The following CA10 variants were observed in gnomAD, a reference collection of about 807,000 sequenced individuals.
CA10 encodes carbonic anhydrase 10 (inactive), also known as carbonic anhydrase-related protein 10.
In CA10, 14 loss-of-function variants were observed where a neutral mutation model predicts 44.2. The ratio of observed to expected loss-of-function variants is 0.32; its 90% confidence interval spans 0.21 to 0.50. The LOEUF (loss-of-function observed/expected upper bound fraction) is 0.50. CA10 is among the 20% of genes least tolerant of loss of function. CA10 has a pLI of 0.99. For synonymous variants in CA10, 159 were observed against 141.6 expected (o/e 1.12, Z -0.87); for missense variants, 350 against 409.7 (o/e 0.85, Z 1.26).
At chr17:51,886,100 C>G (rs73346551) in intron 3 of CA10, among the ~76,000 whole-genome samples, 2,980 of 152,240 alleles carry the variant, frequency 0.02, 78 homozygotes, top group African/African-American at 0.068. Flanking sequence ...CTTAAGCTGT[C>G]TAATAGCTAA....
Position 51,965,433 on chromosome 17 carries a change from G to A in CA10, c.137-34301C>T, listed in dbSNP as rs567464434. On this transcript the variant is annotated intron_variant, in intron 2 of 8. Coordinates refer to ENST00000451037, the MANE Select transcript of CA10 (RefSeq NM_020178.5). ...TGGTAAAGACAATTAAAAAAAACCT[G>A]CAGGCCATAGACACAAAAATCCTTA... Among the ~76,000 whole-genome samples the A allele has an allele frequency of 1.1e-4, 16 of 151,540 alleles. No individual in the cohort carries two copies. In the South Asian group the frequency reaches 3.1e-3, roughly 30 times the overall value.
intron 4 of CA10, among the ~76,000 whole-genome samples, chr17:51,728,466 T>C (rs1389234212): frequency 1.3e-5 from 2 of 152,210 alleles, no homozygotes; most frequent in Non-Finnish European, 2.9e-5. Context: ...CTGTGATAGA[T>C]CCTCAGTCTT....
At chr17:51,661,027 G>T (rs115602256) in intron 4 of CA10, among the ~76,000 whole-genome samples, 27 of 152,206 alleles carry the variant, frequency 1.8e-4, no homozygotes, top group African/African-American at 5.8e-4. Context: ...CACCTGTTGA[G>T]GGAGATCCCC....
In CA10 at chr17:52,064,018, A is replaced by G. The variant is rs372654752; in HGVS notation, c.136+8301T>C. Among the ~76,000 whole-genome samples, 6 of 152,364 alleles carry G rather than the reference A, an allele frequency of 3.9e-5. No individual in the cohort carries two copies. In the East Asian group the frequency reaches 1.2e-3, roughly 29 times the overall value. On this transcript the variant is annotated intron_variant, in intron 2 of 8. Coordinates refer to ENST00000451037, the MANE Select transcript of CA10 (RefSeq NM_020178.5). ...GTTGACTTTCAGTTAATAAAAAGGC[A>G]TGTTATACTGAATAGGCTTGACCTT...
intron 3 of CA10, among the ~76,000 whole-genome samples, chr17:51,782,075 A>T (rs1906084958): frequency 6.6e-6 from 1 of 152,088 alleles, no homozygotes; most frequent in African/African-American, 2.4e-5. Flanking sequence ...CCCCAATCAG[A>T]CTGTTTGCTG....
At chr17:51,744,653 A>G (rs1352330246) in intron 4 of CA10, among the ~76,000 whole-genome samples, 1 of 152,142 alleles carries the variant, frequency 6.6e-6, no homozygotes, top group Non-Finnish European at 1.5e-5. Flanking sequence ...TTCCAGTAAT[A>G]TGAAGTCACA....
chr17:51,882,231 A>ACAGC (rs1305014196), intron 3 of CA10, among the ~76,000 whole-genome samples: 25 of 146,202 alleles, frequency 1.7e-4, no homozygotes, highest in African/African-American at 6.4e-4. Flanking sequence ...TTTATAAAAG[A>ACAGC]TAGCTATTTA....
chr17:51,733,886 C>A (rs958289077), intron 4 of CA10, among the ~76,000 whole-genome samples: 16 of 152,206 alleles, frequency 1.1e-4, no homozygotes, highest in African/African-American at 3.9e-4. Context: ...TTCTACAAAG[C>A]AAAATGGTTC....
chr17:51,945,870 G>A (rs1433386856), intron 2 of CA10, among the ~76,000 whole-genome samples: 1 of 151,992 alleles, frequency 6.6e-6, no homozygotes, highest in East Asian at 1.9e-4. Flanking sequence ...TGGTACTTAC[G>A]ATCAGATATA....
intron 3 of CA10, among the ~76,000 whole-genome samples, chr17:51,792,967 A>G (rs1906577330): frequency 6.6e-6 from 1 of 152,230 alleles, no homozygotes; most frequent in African/African-American, 2.4e-5. Flanking sequence ...GGCCATATTT[A>G]ATGCAAGAGC....
At chr17:51,809,227 A>G (rs1296889792) in intron 3 of CA10, among the ~76,000 whole-genome samples, 1 of 152,158 alleles carries the variant, frequency 6.6e-6, no homozygotes, top group East Asian at 1.9e-4. Flanking sequence ...TCTCATAAAC[A>G]CTCCCTGATG....
At position 51,820,410 on chromosome 17, in the gene CA10, C is replaced by T. The variant is rs1235256550; in HGVS notation, c.280-72592G>A. On this transcript the variant is annotated intron_variant, in intron 3 of 8. Transcript: ENST00000451037. ...ATAAACCTGGGGATTCCCCTACCCC[C>T]CCCCCCCCGCCCGCCGATTTTCCTG... is the stretch of plus-strand genomic sequence containing the variant. Among the ~76,000 whole-genome samples the T allele has an allele frequency of 1.0e-4, 9 of 88,370 alleles. 1 individual carries two copies. Among genetic ancestry groups the T allele is most frequent in the South Asian group, 1.1e-3 (2 of 1,832 alleles). 58.0% of individuals were successfully genotyped at this position (88,370 alleles called of 152,430 possible). A position where few individuals can be genotyped will look rare whatever the true frequency, so the allele number is the denominator to read the frequency against.
chr17:51,639,976 C>T (rs967544705), intron 6 of CA10, among the ~76,000 whole-genome samples: 3 of 152,228 alleles, frequency 2.0e-5, no homozygotes, highest in Admixed American at 1.3e-4. Context: ...TCCTCCTACC[C>T]TGCCCTGGAA....
intron 2 of CA10, among the ~76,000 whole-genome samples, chr17:51,994,450 T>C (rs1047632999): frequency 6.6e-6 from 1 of 152,048 alleles, no homozygotes; most frequent in African/African-American, 2.4e-5. Context: ...TAAGGAGTTT[T>C]GGGCAGGACA....
At chr17:51,747,365 T>C (rs1904724233) in intron 4 of CA10, among the ~76,000 whole-genome samples, 1 of 152,200 alleles carries the variant, frequency 6.6e-6, no homozygotes, top group Non-Finnish European at 1.5e-5. Context: ...GCTCTAGAAA[T>C]ATCACTGGAC....
intron 3 of CA10, among the ~76,000 whole-genome samples, chr17:51,801,830 G>GT (rs1201852076): frequency 6.6e-6 from 1 of 152,188 alleles, no homozygotes; most frequent in Non-Finnish European, 1.5e-5. Flanking sequence ...ATCATGGTGC[G>GT]TAAGTTGTGT....
chr17:51,891,549 T>C (rs1291365075), intron 3 of CA10, among the ~76,000 whole-genome samples: 3 of 152,198 alleles, frequency 2.0e-5, no homozygotes, highest in African/African-American at 4.8e-5. Flanking sequence ...ATCTTCAAGA[T>C]TGATGTACAG....
chr17:52,100,840 T>A (rs1360373232), intron 1 of CA10, among the ~76,000 whole-genome samples: 3 of 152,214 alleles, frequency 2.0e-5, no homozygotes, highest in Non-Finnish European at 4.4e-5. Context: ...CTCACAGTTT[T>A]ATTACATGCT....
At chr17:51,955,058 G>A (rs535398299) in intron 2 of CA10, among the ~76,000 whole-genome samples, 7 of 152,186 alleles carry the variant, frequency 4.6e-5, no homozygotes, top group Admixed American at 2.0e-4. Flanking sequence ...AAAATAGCCC[G>A]GCTCTTGGGT....
Sources: gnomAD v4.1 joint callset for allele counts (sites outside exome capture counted in the v4.1 genomes callset) on GRCh38, gnomAD v4.1.1 for gene constraint, MANE v1.5 for transcripts, NCBI Gene and HGNC (gene_info 2026-07-23, HGNC 2026-07-21) for gene names.